Variants in HSD17B12 observed in about 807,000 individuals in gnomAD.
HSD17B12 encodes hydroxysteroid 17-beta dehydrogenase 12, also known as very-long-chain 3-oxoacyl-CoA reductase.
In HSD17B12, 32 loss-of-function variants were observed where a neutral mutation model predicts 39.3. The observed-to-expected ratio is 0.81, with a 90% CI of 0.61 to 1.09. HSD17B12 has a LOEUF of 1.09. HSD17B12 is among the 50% of genes least tolerant of loss of function. HSD17B12 has a pLI of 0.00. For missense variants in HSD17B12, 342 were observed against 382.9 expected (o/e 0.89, Z 0.89); for synonymous variants, 150 against 146.7 (o/e 1.02, Z -0.16).
the HSD17B12 span, chr11:43,570,470 G>T: frequency 6.6e-6 from 1 of 152,218 alleles, no homozygotes; most frequent in African/African-American, 2.4e-5. Flanking sequence ...CTGAGCCACA[G>T]GTTCCTGGAT....
At chr11:43,807,842 G>C (rs907201349) in intron 4 of HSD17B12, among the ~76,000 whole-genome samples, 1 of 152,140 alleles carries the variant, frequency 6.6e-6, no homozygotes, top group African/African-American at 2.4e-5. Context: ...ATGGTTTTGT[G>C]TTTTTTAAGT....
At chr11:43,633,615 T>C in the HSD17B12 span, among the ~76,000 whole-genome samples, 1 of 152,050 alleles carries the variant, frequency 6.6e-6, no homozygotes, top group South Asian at 2.1e-4. Context: ...TTGTGGATTC[T>C]GAGAGAAGGA....
upstream of HSD17B12, among the ~76,000 whole-genome samples, chr11:43,679,683 C>T (rs1197622279): frequency 6.6e-6 from 1 of 152,176 alleles, no homozygotes; most frequent in Non-Finnish European, 1.5e-5. Flanking sequence ...TAGTCTCCTT[C>T]CAAAACTAAT....
intron 4 of HSD17B12, among the ~76,000 whole-genome samples, chr11:43,802,468 A>AC (rs1441586285): frequency 1.3e-5 from 2 of 152,162 alleles, no homozygotes; most frequent in Non-Finnish European, 2.9e-5. Flanking sequence ...GACTAGCCAC[A>AC]CTTTCAGTGC....
chr11:43,633,002 G>C, the HSD17B12 span, among the ~76,000 whole-genome samples: 1 of 152,120 alleles, frequency 6.6e-6, no homozygotes, highest in Non-Finnish European at 1.5e-5. Context: ...AAAGAGGAGG[G>C]GTTTTGAAAT....
intron 1 of HSD17B12, among the ~76,000 whole-genome samples, chr11:43,700,058 A>ATATCTG (rs1949949333): frequency 2.6e-5 from 4 of 152,068 alleles, no homozygotes; most frequent in African/African-American, 9.7e-5. Context: ...AGGGGCTGGG[A>ATATCTG]AGTTTGGGTA....
At chr11:43,760,785 G>A (rs1170924025) in intron 3 of HSD17B12, among the ~76,000 whole-genome samples, 1 of 152,052 alleles carries the variant, frequency 6.6e-6, no homozygotes, top group Non-Finnish European at 1.5e-5. Context: ...AGACCTTTTC[G>A]TTTTATGTCT....
At chr11:43,655,907 A>T in the HSD17B12 span, among the ~76,000 whole-genome samples, 3 of 152,186 alleles carry the variant, frequency 2.0e-5, no homozygotes, top group Non-Finnish European at 4.4e-5. Context: ...TATCAGGATG[A>T]TGCTGGCCTC....
the HSD17B12 span, among the ~76,000 whole-genome samples, chr11:43,603,223 C>A: frequency 1.3e-5 from 2 of 152,086 alleles, no homozygotes; most frequent in African/African-American, 4.8e-5. Flanking sequence ...CTGAAGTGCA[C>A]TTTTGCTGTT....
the HSD17B12 span, among the ~76,000 whole-genome samples, chr11:43,619,360 G>A: frequency 7.0e-6 from 1 of 143,576 alleles, no homozygotes; most frequent in African/African-American, 2.5e-5. Flanking sequence ...GAGCACTTAT[G>A]CATTCAAGCC....
chr11:43,630,816 T>TG, the HSD17B12 span, among the ~76,000 whole-genome samples: 13 of 151,658 alleles, frequency 8.6e-5, no homozygotes, highest in Non-Finnish European at 1.9e-4. Context: ...TTTTTTTTTT[T>TG]TTTTTGAAAT....
At position 43,750,955 on chromosome 11, in the gene HSD17B12, G is replaced by GAGGT; in HGVS notation, c.207+3_207+6dup. Reference sequence around the variant, plus strand: ...TGGAATTGGAAAATCATATGCAGAAGAGGTAGGTGATTTTCAAGATCTTTC... The same window carrying GAGGT: ...TGGAATTGGAAAATCATATGCAGAAGAGGTAGGTAGGTGATTTTCAAGATCTTTC... On this transcript the variant is annotated frameshift_variant and splice_region_variant, in exon 2 of 11. Coordinates refer to ENST00000278353, the MANE Select transcript of HSD17B12 (RefSeq NM_016142.3). LOFTEE classifies it high-confidence loss of function. The GAGGT allele has an allele frequency of 6.3e-7, 1 of 1,589,596 alleles. No homozygotes were observed. Among genetic ancestry groups the GAGGT allele is most frequent in the Non-Finnish European group, 8.6e-7 (1 of 1,162,940 alleles).
At chr11:43,711,295 A>C (rs1283487217) in intron 1 of HSD17B12, among the ~76,000 whole-genome samples, 1 of 152,034 alleles carries the variant, frequency 6.6e-6, no homozygotes. Flanking sequence ...TCATTTTATA[A>C]ATTTAGTTGT....
chr11:43,597,323 T>C, the HSD17B12 span, among the ~76,000 whole-genome samples: 6 of 152,100 alleles, frequency 3.9e-5, no homozygotes, highest in Non-Finnish European at 7.4e-5. Context: ...GGTGGGTGCA[T>C]GGTATATTCT....
chr11:43,823,440 T>C (rs1048309071), intron 6 of HSD17B12, among the ~76,000 whole-genome samples: 2 of 151,772 alleles, frequency 1.3e-5, no homozygotes, highest in African/African-American at 4.8e-5. Flanking sequence ...CTAGCTAATT[T>C]TTAAATTTTT....
the HSD17B12 span, among the ~76,000 whole-genome samples, chr11:43,669,059 C>A: frequency 6.6e-6 from 1 of 151,558 alleles, no homozygotes; most frequent in Admixed American, 6.6e-5. Flanking sequence ...AAATAGAGAA[C>A]CACAACCAGA....
At chr11:43,843,489 A>G (rs977820824) in intron 9 of HSD17B12, among the ~76,000 whole-genome samples, 1 of 152,174 alleles carries the variant, frequency 6.6e-6, no homozygotes, top group African/African-American at 2.4e-5. Flanking sequence ...TTAGGATTAA[A>G]TTCGAACTCC....
the HSD17B12 span, among the ~76,000 whole-genome samples, chr11:43,646,867 G>A: frequency 6.6e-6 from 1 of 152,130 alleles, no homozygotes; most frequent in Non-Finnish European, 1.5e-5. Context: ...AACAGTAGAT[G>A]TTTCAGAAAA....
chr11:43,730,439 G>GA (rs1950258106), intron 1 of HSD17B12, among the ~76,000 whole-genome samples: 1 of 152,122 alleles, frequency 6.6e-6, no homozygotes, highest in Non-Finnish European at 1.5e-5. Context: ...CCAAAAAGTA[G>GA]AAAGAGGATC....
Sources: allele counts gnomAD v4.1 joint callset (sites outside exome capture counted in the v4.1 genomes callset), GRCh38; gene constraint gnomAD v4.1.1; transcripts MANE v1.5; gene names NCBI Gene and HGNC (gene_info 2026-07-23, HGNC 2026-07-21).